CLIC5: variants seen among roughly 807,000 people sequenced by gnomAD.
The protein encoded by CLIC5 is chloride intracellular channel protein 5.
CLIC5 carries 20 observed loss-of-function variants against 24.7 expected under a neutral mutation model. The ratio of observed to expected loss-of-function variants is 0.81; its 90% CI spans 0.57 to 1.18. The LOEUF (loss-of-function observed/expected upper bound fraction) is 1.18. CLIC5 is among the 50% of genes most tolerant of loss of function. The pLI is 0.00. For synonymous variants in CLIC5, 159 were observed against 135.6 expected (o/e 1.17, Z -1.20); for missense variants, 341 against 326.1 (o/e 1.05, Z -0.35).
intron 1 of CLIC5, among the ~76,000 whole-genome samples, chr6:46,045,775 T>A (rs949822657): frequency 6.6e-6 from 1 of 152,204 alleles, no homozygotes. Context: ...ATTTTTTATA[T>A]CTTATAAAGT....
intron 1 of CLIC5, among the ~76,000 whole-genome samples, chr6:45,996,663 A>G (rs1766153022): frequency 6.6e-6 from 1 of 152,198 alleles, no homozygotes; most frequent in Admixed American, 6.5e-5. Context: ...ACAGGAAAAA[A>G]ACAAACAACC....
At chr6:46,096,984 T>A in the CLIC5 span, 2 of 152,228 alleles carry the variant, frequency 1.3e-5, no homozygotes, top group Admixed American at 1.3e-4. Context: ...ATATTCTACA[T>A]CTTCATAGGA....
chr6:45,908,346 T>A (rs1458137244), intron 5 of CLIC5, among the ~76,000 whole-genome samples: 1 of 152,186 alleles, frequency 6.6e-6, no homozygotes, highest in East Asian at 1.9e-4. Flanking sequence ...TTTTTCTAGT[T>A]CCTCTAGGTG....
intron 1 of CLIC5, among the ~76,000 whole-genome samples, chr6:46,039,485 A>G (rs569880344): frequency 2.0e-5 from 3 of 152,234 alleles, no homozygotes; most frequent in African/African-American, 7.2e-5. Context: ...TTCATTCCTC[A>G]TATTATATAT....
the CLIC5 span, chr6:46,122,868 A>G: frequency 6.6e-6 from 1 of 152,216 alleles, no homozygotes; most frequent in Admixed American, 6.5e-5. Flanking sequence ...ACACCCTCCC[A>G]AGACTAAACC....
chr6:45,935,863 G>A (rs1581762075), intron 4 of CLIC5, among the ~76,000 whole-genome samples: 1 of 152,158 alleles, frequency 6.6e-6, no homozygotes, highest in Admixed American at 6.5e-5. Context: ...CTTTCAGGGA[G>A]CTGCACATAG....
the CLIC5 span, among the ~76,000 whole-genome samples, chr6:46,112,013 T>TTATAAATTAACCAGTCTCAAG: frequency 0.57 from 86,724 of 151,038 alleles, 25,150 homozygotes; most frequent in Middle Eastern, 0.76. Flanking sequence ...CTCTTTTTCT[T>TTATAAATTAACCAGTCTCAAG]TATAAATTAA....
At chr6:46,096,026 G>A in the CLIC5 span, among the ~76,000 whole-genome samples, 3 of 152,224 alleles carry the variant, frequency 2.0e-5, no homozygotes, top group East Asian at 5.8e-4. Context: ...TATACAGGAA[G>A]CATGGTGGCA....
intron 1 of CLIC5, among the ~76,000 whole-genome samples, chr6:46,068,837 C>A (rs753664695): frequency 7.2e-5 from 11 of 152,052 alleles, no homozygotes; most frequent in African/African-American, 2.4e-4. Context: ...AGAAACCAAC[C>A]CTGCCAACAC....
intron 1 of CLIC5, among the ~76,000 whole-genome samples, chr6:45,977,401 A>T (rs939208383): frequency 6.6e-6 from 1 of 152,216 alleles, no homozygotes; most frequent in African/African-American, 2.4e-5. Context: ...CTATTTCAAC[A>T]AACCCCCCAG....
At chr6:46,099,818 A>C in the CLIC5 span, among the ~76,000 whole-genome samples, 1 of 152,184 alleles carries the variant, frequency 6.6e-6, no homozygotes, top group African/African-American at 2.4e-5. Context: ...GGGAAAAGGA[A>C]TGAAAAATTA....
At chr6:45,989,756 G>A (rs1765866143) in intron 1 of CLIC5, among the ~76,000 whole-genome samples, 1 of 152,154 alleles carries the variant, frequency 6.6e-6, no homozygotes, top group South Asian at 2.1e-4. Context: ...GAGTTGCAGG[G>A]AAAATAATAT....
upstream of CLIC5, among the ~76,000 whole-genome samples, chr6:46,020,460 T>C (rs1057500974): frequency 2.0e-5 from 3 of 152,120 alleles, no homozygotes; most frequent in African/African-American, 7.2e-5. Flanking sequence ...AAAACACTTA[T>C]TTTGGAAAAT....
At chr6:45,996,760 T>C (rs1274307334) in intron 1 of CLIC5, among the ~76,000 whole-genome samples, 4 of 151,864 alleles carry the variant, frequency 2.6e-5, no homozygotes, top group Admixed American at 2.0e-4. Flanking sequence ...AAAATGCTCA[T>C]CATCACTGGC....
intron 1 of CLIC5, among the ~76,000 whole-genome samples, chr6:46,053,127 A>G (rs181781361): frequency 2.7e-4 from 41 of 152,252 alleles, no homozygotes; most frequent in Non-Finnish European, 4.6e-4. Flanking sequence ...CCAAATACAG[A>G]AGGGTCAACC....
intron 1 of CLIC5, among the ~76,000 whole-genome samples, chr6:46,078,849 G>C (rs530702714): frequency 6.6e-6 from 1 of 152,152 alleles, no homozygotes; most frequent in African/African-American, 2.4e-5. Flanking sequence ...AAATGTTACT[G>C]GGAACTGGGG....
intron 1 of CLIC5, among the ~76,000 whole-genome samples, chr6:45,974,147 G>C (rs1765297022): frequency 6.6e-6 from 1 of 151,948 alleles, no homozygotes; most frequent in African/African-American, 2.4e-5. Flanking sequence ...ACGTGTGAGA[G>C]AGAGGAGAAA....
At chr6:46,005,980 G>GTATATATATATATATATATATTTA (rs35395134) in intron 1 of CLIC5, among the ~76,000 whole-genome samples, 4 of 117,694 alleles carry the variant, frequency 3.4e-5, no homozygotes, top group Non-Finnish European at 5.1e-5. Context: ...GCCTATGTGT[G>GTATATATATATATATATATATTTA]TATATATATA....
downstream of CLIC5, among the ~76,000 whole-genome samples, chr6:45,894,138 G>T (rs188441823): frequency 1.1e-4 from 17 of 152,326 alleles, no homozygotes; most frequent in Non-Finnish European, 2.4e-4. Context: ...TAAATAAAGA[G>T]ACAACCATGA....
Sources: gnomAD v4.1 joint callset for allele counts (sites outside exome capture counted in the v4.1 genomes callset) on GRCh38, gnomAD v4.1.1 for gene constraint, MANE v1.5 for transcripts, NCBI Gene and HGNC (gene_info 2026-07-23, HGNC 2026-07-21) for gene names.